Variants in PCDH10 observed in about 807,000 individuals in gnomAD.
PCDH10 encodes the protein protocadherin 10, also known as protocadherin-10.
Under a neutral mutation model 74.4 loss-of-function variants are expected in PCDH10, and 15 were observed. That is an observed-to-expected ratio of 0.20 (90% CI 0.13 to 0.31). The LOEUF is 0.31. PCDH10 is among the 10% of genes least tolerant of loss of function. The pLI, the probability that PCDH10 is intolerant of heterozygous loss-of-function variation, is 1.00. For synonymous variants in PCDH10, 619 were observed against 589.8 expected (o/e 1.05, Z -0.72); for missense variants, 1,260 against 1,390.2 (o/e 0.91, Z 1.49).
chr4:133,156,584 T>C (rs2125860862), intron 3 of PCDH10, among the ~76,000 whole-genome samples: 1 of 152,394 alleles, frequency 6.6e-6, no homozygotes, highest in South Asian at 2.1e-4. Flanking sequence ...TGCTCATTCC[T>C]GTTCTTTTTC....
At chr4:133,196,822 T>C (rs1369455181), downstream of PCDH10, among the ~76,000 whole-genome samples, 2 of 152,236 alleles carry the variant, frequency 1.3e-5, no homozygotes, top group East Asian at 3.8e-4. Context: ...ATTTTCTCAG[T>C]TAAAATTTTG....
At chr4:133,175,153 A>G (rs980810136) in intron 4 of PCDH10, among the ~76,000 whole-genome samples, 1 of 151,984 alleles carries the variant, frequency 6.6e-6, no homozygotes, top group South Asian at 2.1e-4. Flanking sequence ...TTTTGAAGTT[A>G]ATTTTAAGTC....
chr4:133,158,884 A>G (rs1726913522), intron 3 of PCDH10, among the ~76,000 whole-genome samples: 1 of 152,098 alleles, frequency 6.6e-6, no homozygotes, highest in African/African-American at 2.4e-5. Flanking sequence ...TGAAATATTG[A>G]GAGGAAATGG....
intron 2 of PCDH10, among the ~76,000 whole-genome samples, chr4:133,205,850 C>A (rs1727990365): frequency 1.3e-5 from 2 of 152,058 alleles, no homozygotes; most frequent in African/African-American, 4.8e-5. Context: ...ATTTTTAACT[C>A]TTTGCATATG....
At position 133,152,352 on chromosome 4, in the gene PCDH10, G is replaced by A; in HGVS notation, c.2212G>A (p.Val738Met). 7 of 1,614,228 alleles carry A rather than the reference G, an allele frequency of 4.3e-6. No individual in the cohort carries two copies. Among genetic ancestry groups the A allele is most frequent in the Non-Finnish European group, 5.9e-6 (7 of 1,180,044 alleles). The change falls in exon 1 of 5, where the codon GTG becomes ATG. Residue 738 changes from valine (V) to methionine (M), a missense_variant. Val to Met is a conservative substitution (Grantham distance 21, BLOSUM62 1). Around this residue, in one of 11 missense-constraint regions of PCDH10, gnomAD observed 587 missense variants for 616.9 expected, o/e 0.95. Transcript: ENST00000264360. Reference sequence around the variant, plus strand: ...CCTGCTGGCCATGATCGTGCTGGCCGTGCGTTGCCAAAAAGAGAAGAAGCT... The same window carrying A: ...CCTGCTGGCCATGATCGTGCTGGCCATGCGTTGCCAAAAAGAGAAGAAGCT... ...IFLLAMIVLA[V>M]RCQKEKKLNI...
At chr4:133,171,233 G>C (rs1489710369) in intron 4 of PCDH10, among the ~76,000 whole-genome samples, 1 of 151,964 alleles carries the variant, frequency 6.6e-6, no homozygotes, top group East Asian at 1.9e-4. Flanking sequence ...ACACAAACTA[G>C]AAAATTAGCT....
intron 2 of PCDH10, among the ~76,000 whole-genome samples, chr4:133,204,580 G>A (rs955522034): frequency 1.3e-5 from 2 of 152,176 alleles, no homozygotes; most frequent in African/African-American, 2.4e-5. Flanking sequence ...TTCCTAGACA[G>A]GGAAGAGAGG....
Position 133,190,352 on chromosome 4 carries a change from T to C in PCDH10, c.*192T>C. The C allele has an allele frequency of 1.6e-6, 1 of 617,554 alleles. No homozygotes were observed. The allele number at this position is 617,554 out of a possible 1,614,324, so 38.3% of individuals were successfully genotyped here. A position where few individuals can be genotyped will look rare whatever the true frequency, so the allele number is the denominator to read the frequency against. ...AGCAGGCCTGAGAAATGAGTTGAAATGTGCAGAACTGTAGAAACTTTAGAG... is the reference window on the plus strand; with the variant it reads ...AGCAGGCCTGAGAAATGAGTTGAAACGTGCAGAACTGTAGAAACTTTAGAG... On this transcript the variant is annotated 3_prime_UTR_variant, in exon 5 of 5. Coordinates refer to ENST00000264360, the MANE Select transcript of PCDH10 (RefSeq NM_032961.3).
At chr4:133,208,145 G>T (rs1485674543) in exon 3 of PCDH10, 1 of 152,204 alleles carries the variant, frequency 6.6e-6, no homozygotes, top group Non-Finnish European at 1.5e-5. Flanking sequence ...ACAACCACAT[G>T]AGTGAGCTTG....
intron 3 of PCDH10, among the ~76,000 whole-genome samples, chr4:133,155,908 T>A (rs1166083440): frequency 6.6e-6 from 1 of 152,184 alleles, no homozygotes; most frequent in Non-Finnish European, 1.5e-5. Context: ...GGTTTTCATC[T>A]TTGAAGGGTG....
At chr4:133,166,258 T>C (rs767724743) in intron 4 of PCDH10, among the ~76,000 whole-genome samples, 9 of 151,618 alleles carry the variant, frequency 5.9e-5, no homozygotes, top group Non-Finnish European at 8.9e-5. Context: ...GTTAATGAAT[T>C]TCAGTTTTAC....
At chr4:133,152,879 G>T in intron 1 of PCDH10, 108 bp downstream of exon 1, 1 of 1,507,986 alleles carries the variant, frequency 6.6e-7, no homozygotes, top group South Asian at 1.3e-5. Flanking sequence ...TAGGATATTA[G>T]CTTATGTGTA....
intron 4 of PCDH10, among the ~76,000 whole-genome samples, chr4:133,172,936 T>A (rs1251721660): frequency 6.6e-6 from 1 of 151,954 alleles, no homozygotes. Context: ...ATCTTTGGAG[T>A]TCTCTTTATG....
At position 133,163,051 on chromosome 4, in the gene PCDH10, T is replaced by A. The variant is rs1560707846; in HGVS notation, c.2872T>A (p.Phe958Ile). ...GHSDRCWMPS[F>I]VPSDGRQAAD... is the part of the protein sequence containing the mutation. The stretch of plus-strand genomic sequence containing the variant: ...CTCAGATCGGTGCTGGATGCCTTCT[T>A]TTGTCCCTTCTGATGGACGCCAGGC... Residue 958 changes from phenylalanine (F) to isoleucine (I), a missense_variant, in exon 4 of 5, where the codon TTT becomes ATT. Around this residue, in one of 11 missense-constraint regions of PCDH10, gnomAD observed 136 missense variants for 149.3 expected, o/e 0.91. Coordinates refer to ENST00000264360, the MANE Select transcript of PCDH10 (RefSeq NM_032961.3). The A allele has an allele frequency of 6.2e-7, 1 of 1,614,174 alleles. No homozygotes were observed.
chr4:133,201,221 T>C (rs1440741182), intron 2 of PCDH10, among the ~76,000 whole-genome samples: 1 of 152,146 alleles, frequency 6.6e-6, no homozygotes, highest in East Asian at 1.9e-4. Flanking sequence ...TTAGCTCAAC[T>C]TACTTTAACT....
At chr4:133,172,449 G>T (rs1041363692) in intron 4 of PCDH10, among the ~76,000 whole-genome samples, 1 of 151,738 alleles carries the variant, frequency 6.6e-6, no homozygotes, top group African/African-American at 2.4e-5. Context: ...GGTATAATAT[G>T]CATATAGAAA....
At chr4:133,171,595 C>A (rs997902372) in intron 4 of PCDH10, among the ~76,000 whole-genome samples, 24 of 152,018 alleles carry the variant, frequency 1.6e-4, no homozygotes, top group Non-Finnish European at 2.8e-4. Context: ...ATAAATTTGT[C>A]ATGATGATAT....
At chr4:133,196,589 C>T (rs1438654185), downstream of PCDH10, among the ~76,000 whole-genome samples, 1 of 152,192 alleles carries the variant, frequency 6.6e-6, no homozygotes, top group African/African-American at 2.4e-5. Flanking sequence ...ACCATAATCT[C>T]TAATCCTGTG....
At chr4:133,152,840 T>C in intron 1 of PCDH10, 69 bp downstream of exon 1, 1 of 1,599,162 alleles carries the variant, frequency 6.3e-7, no homozygotes, top group Non-Finnish European at 8.5e-7. Flanking sequence ...AGCCCGGCCC[T>C]TGTATCTCTG....
Sources: allele counts gnomAD v4.1 joint callset (sites outside exome capture counted in the v4.1 genomes callset), GRCh38; gene constraint gnomAD v4.1.1; regional missense constraint gnomAD v4.1.1; transcripts MANE v1.5; gene names NCBI Gene and HGNC (gene_info 2026-07-23, HGNC 2026-07-21).